IRAG1: variants seen among roughly 807,000 people sequenced by gnomAD.
IRAG1 encodes IP3R-associated cGMP kinase substrate.
Under a neutral mutation model 106.2 loss-of-function variants are expected in IRAG1, and 62 were observed. The observed-to-expected ratio is 0.58, with a 90% CI of 0.48 to 0.72. The LOEUF (loss-of-function observed/expected upper bound fraction) is 0.72, where lower values mean the gene tolerates loss of function less well. IRAG1 is among the 30% of genes least tolerant of loss of function. The pLI is 0.00. For missense variants in IRAG1, 1,064 were observed against 1,140.7 expected (o/e 0.93, Z 0.97); for synonymous variants, 462 against 443.9 (o/e 1.04, Z -0.51).
chr11:10,642,562 TA>T (rs1857593402), intron 2 of IRAG1, among the ~76,000 whole-genome samples: 2 of 152,334 alleles, frequency 1.3e-5, no homozygotes, highest in South Asian at 4.1e-4. Flanking sequence ...CAATGTGGGC[TA>T]GTGAAGAAGT....
chr11:10,623,783 T>C lies in IRAG1; in HGVS notation c.1442A>G (p.Glu481Gly). 6.2e-7 allele frequency: 1 copy of C among 1,614,058 alleles called. No homozygotes were observed. Among genetic ancestry groups the C allele is most frequent in the Non-Finnish European group, 8.5e-7 (1 of 1,179,892 alleles). ...LPDLSEAAEQ[E>G]KGLPSELSPA... Reference sequence around the variant, plus strand: ...TCTGCCCCAACCCCACCTACCTTTTTCCTGCTCAGCTGCTTCACTAAGGTC... The same window carrying C: ...TCTGCCCCAACCCCACCTACCTTTTCCCTGCTCAGCTGCTTCACTAAGGTC... The change falls in exon 10 of 21, where the codon GAA (glutamate) becomes GGA (glycine). Residue 481 changes from glutamate (E) to glycine (G), a missense_variant. Transcript: ENST00000423302.
At position 10,632,054 on chromosome 11, in the gene IRAG1, T is replaced by C. The variant is rs1856734633; in HGVS notation, c.337A>G (p.Ser113Gly). ...TDKNLANRVH[S>G]PHKRLSHRHL... Reference sequence around the variant, plus strand: ...CGGTGAGAAAGCCTCTTGTGGGGACTGTGAACTCTGAAAGACAGAACAGTC... The same window carrying C: ...CGGTGAGAAAGCCTCTTGTGGGGACCGTGAACTCTGAAAGACAGAACAGTC... The change falls in exon 4 of 21, where the codon AGT (serine) becomes GGT (glycine). Residue 113 changes from serine (S) to glycine (G), a missense_variant. Coordinates refer to ENST00000423302, the MANE Select transcript of IRAG1 (RefSeq NM_130385.4). 1 of 1,613,448 alleles carries C rather than the reference T, an allele frequency of 6.2e-7. No individual in the cohort carries two copies. Among genetic ancestry groups the C allele is most frequent in the Non-Finnish European group, 8.5e-7 (1 of 1,179,422 alleles).
intron 1 of IRAG1, among the ~76,000 whole-genome samples, chr11:10,667,807 T>C (rs917875266): frequency 2.6e-5 from 4 of 152,166 alleles, no homozygotes; most frequent in Non-Finnish European, 4.4e-5. Flanking sequence ...CCTTCTCAGA[T>C]AGACTGACTC....
chr11:10,587,117 C>T (rs890329005), intron 18 of IRAG1, among the ~76,000 whole-genome samples: 1 of 152,152 alleles, frequency 6.6e-6, no homozygotes, highest in Non-Finnish European at 1.5e-5. Flanking sequence ...ATCCTATGTG[C>T]TTTCTTTCTG....
intron 18 of IRAG1, among the ~76,000 whole-genome samples, chr11:10,588,498 C>T (rs1476990713): frequency 9.2e-5 from 14 of 152,140 alleles, no homozygotes; most frequent in South Asian, 2.1e-4. Context: ...TACAGGTGGA[C>T]GCCACCACGC....
Position 10,627,763 on chromosome 11 carries a change from G to A in IRAG1, c.706-3C>T, listed in dbSNP as rs868864113. 2.5e-6 allele frequency: 4 copies of A among 1,613,938 alleles called. No homozygotes were observed. In the Middle Eastern group the frequency reaches 6.6e-4, roughly 266 times the overall value. ...GAGACGTCGGCCTCATCCCCCTTCT[G>A]CTGGAGAAGGTGAACAGGAGTCAGT... On this transcript the variant is annotated splice_polypyrimidine_tract_variant and splice_region_variant and intron_variant, in intron 7 of 20. Coordinates refer to ENST00000423302, the MANE Select transcript of IRAG1 (RefSeq NM_130385.4).
In IRAG1 at chr11:10,631,958, A is replaced by G. The variant is rs775930160; in HGVS notation, c.400+33T>C. Reference sequence around the variant, plus strand: ...GCCACGCTGCCAGACCTGTCTTTCTACTCAACATGCCTTAGATTGCCCTGG... The same window carrying G: ...GCCACGCTGCCAGACCTGTCTTTCTGCTCAACATGCCTTAGATTGCCCTGG... On this transcript the variant is annotated intron_variant, in intron 4 of 20. Transcript: ENST00000423302. The G allele has an allele frequency of 3.1e-6, 5 of 1,595,470 alleles. No homozygotes were observed. The East Asian group carries it at 8.9e-5, about 28-fold the overall frequency.
chr11:10,600,882 G>T (rs755611863), intron 15 of IRAG1, 36 bp downstream of exon 15: 22 of 1,612,476 alleles, frequency 1.4e-5, no homozygotes, highest in Non-Finnish European at 1.8e-5. Context: ...AGTCCACCTT[G>T]TAGGGCCAAG....
At chr11:10,627,847 G>C in intron 7 of IRAG1, 87 bp from the exon 8 acceptor site, 1 of 1,592,524 alleles carries the variant, frequency 6.3e-7, no homozygotes, top group Non-Finnish European at 8.6e-7. Context: ...CCCCCTAGCA[G>C]TGGTGTTCAT....
chr11:10,623,962 CG>C (rs1457383452), intron 9 of IRAG1, 106 bp from the exon 10 acceptor site: 2 of 1,046,534 alleles, frequency 1.9e-6, no homozygotes, highest in Non-Finnish European at 2.9e-6. Context: ...GGTGGGAAAG[CG>C]GGGCAGCCTG....
chr11:10,582,011 G>C, intron 18 of IRAG1, 25 bp from the exon 19 acceptor site: 2 of 1,589,574 alleles, frequency 1.3e-6, no homozygotes, highest in South Asian at 2.3e-5. Context: ...GAAGTACAGG[G>C]CATCATTTCA....
intron 18 of IRAG1, among the ~76,000 whole-genome samples, chr11:10,588,060 AG>A (rs1393944754): frequency 1.3e-5 from 2 of 152,256 alleles, no homozygotes; most frequent in Non-Finnish European, 2.9e-5. Flanking sequence ...AGCGAGGTGC[AG>A]CAAATAGTTA....
chr11:10,590,996 T>C (rs1003087020), intron 18 of IRAG1, among the ~76,000 whole-genome samples: 2 of 152,210 alleles, frequency 1.3e-5, no homozygotes, highest in Admixed American at 6.5e-5. Context: ...GTCAATGAGA[T>C]AATAGAGAAG....
Position 10,690,313 on chromosome 11 carries a change from C to T in IRAG1, c.67+3223G>A, listed in dbSNP as rs1314650293. ...GCTGAGGCATGAGAATTGCTTGAAC[C>T]CGGGAGGTGGGGTTGCACCACTGCA... is the stretch of plus-strand genomic sequence containing the variant. On this transcript the variant is annotated intron_variant, in intron 1 of 20. Transcript: ENST00000423302. 5.5e-6 allele frequency: 6 copies of T among 1,090,426 alleles called. No individual in the cohort carries two copies. In the African/African-American group the frequency reaches 9.9e-5, roughly 18 times the overall value. The allele number at this position is 1,090,426 out of a possible 1,614,324, so 67.5% of individuals were successfully genotyped here.
chr11:10,653,127 AG>A (rs1249656030), intron 1 of IRAG1, among the ~76,000 whole-genome samples: 1 of 152,230 alleles, frequency 6.6e-6, no homozygotes, highest in African/African-American at 2.4e-5. Context: ...TTCTAGGACC[AG>A]ATGCTTTCTC....
chr11:10,593,780 CTGT>C, intron 16 of IRAG1, 181 bp from the exon 17 acceptor site: 2 of 591,506 alleles, frequency 3.4e-6, no homozygotes. Flanking sequence ...CCCAAATTTT[CTGT>C]TGTTGGTGAG....
At position 10,576,558 on chromosome 11, in the gene IRAG1, A is replaced by C; in HGVS notation, c.2513T>G (p.Val838Gly). 4.3e-6 allele frequency: 7 copies of C among 1,614,008 alleles called. No individual in the cohort carries two copies. The highest frequency in any genetic ancestry group is 5.9e-6 in the Non-Finnish European group (7 of 1,179,894). ...GGGATACATGACTTGTAAGAAATGG[A>C]CCAATTCTTCAAGTTTGCTGTCAAT... ...GPRSSKLEEL[V>G]HFLQVMYPKL... is the part of the protein sequence containing the mutation. The change falls in exon 21 of 21, where the codon GTC becomes GGC. Residue 838 changes from valine to glycine, a missense_variant. Coordinates refer to ENST00000423302, the MANE Select transcript of IRAG1 (RefSeq NM_130385.4).
chr11:10,614,182 A>C (rs1323477080), intron 10 of IRAG1, among the ~76,000 whole-genome samples: 1 of 151,646 alleles, frequency 6.6e-6, no homozygotes, highest in South Asian at 2.1e-4. Context: ...CTTCTGACCC[A>C]CCCTAGCCCT....
chr11:10,583,925 G>A (rs1014816572), intron 18 of IRAG1, among the ~76,000 whole-genome samples: 21 of 152,088 alleles, frequency 1.4e-4, no homozygotes, highest in Non-Finnish European at 2.2e-4. Context: ...AGGTAGAGGG[G>A]TCTAGGAAGG....
Sources: gnomAD v4.1 joint callset for allele counts (sites outside exome capture counted in the v4.1 genomes callset) on GRCh38, gnomAD v4.1.1 for gene constraint, MANE v1.5 for transcripts, NCBI Gene and HGNC (gene_info 2026-07-23, HGNC 2026-07-21) for gene names.